Variants in ACMSD observed in about 807,000 individuals in gnomAD.
ACMSD encodes 2-amino-3-carboxymuconate-6-semialdehyde decarboxylase.
In ACMSD, 37 loss-of-function variants were observed where a neutral mutation model predicts 45.9. The ratio of observed to expected loss-of-function variants is 0.81; its 90% confidence interval spans 0.62 to 1.06. The LOEUF is 1.06. Ranked by LOEUF, ACMSD falls within the 50% of genes least tolerant of loss-of-function variation. The pLI, the probability that ACMSD is intolerant of heterozygous loss-of-function variation, is 0.00. For missense variants in ACMSD, 434 were observed against 420.9 expected (o/e 1.03, Z -0.27); for synonymous variants, 138 against 148.8 (o/e 0.93, Z 0.53).
At chr2:134,844,054 A>C (rs1384316569) in intron 1 of ACMSD, among the ~76,000 whole-genome samples, 1 of 152,244 alleles carries the variant, frequency 6.6e-6, no homozygotes, top group East Asian at 1.9e-4. Context: ...CTGCCCTAGT[A>C]AGGCTTGTCA....
rs188460716 is a variant in ACMSD at position 134,880,502 on chromosome 2, C to T, written c.849+7861C>T. Among the ~76,000 whole-genome samples the T allele has an allele frequency of 2.4e-4, 37 of 152,114 alleles. No individual in the cohort carries two copies. The East Asian group carries it at 6.8e-3, about 28-fold the overall frequency. ...ACCACCTCTTTGAACTTTCGTTTTACTTTCTGGGAGATTTTTTTCAACTTT... is the reference window on the plus strand; with the variant it reads ...ACCACCTCTTTGAACTTTCGTTTTATTTTCTGGGAGATTTTTTTCAACTTT... On this transcript the variant is annotated intron_variant, in intron 8 of 9. Coordinates refer to ENST00000356140, the MANE Select transcript of ACMSD (RefSeq NM_138326.3).
chr2:134,871,460 A>G (rs753548038), intron 7 of ACMSD, among the ~76,000 whole-genome samples: 4 of 150,972 alleles, frequency 2.6e-5, no homozygotes, highest in Non-Finnish European at 5.9e-5. Flanking sequence ...TAGTCACATG[A>G]TGGTTTAGGA....
At chr2:134,881,833 C>CA (rs543661314) in intron 8 of ACMSD, among the ~76,000 whole-genome samples, 20 of 151,092 alleles carry the variant, frequency 1.3e-4, no homozygotes, top group African/African-American at 2.4e-4. Flanking sequence ...ACTAAAAATA[C>CA]AAAAAAAAAT....
intron 8 of ACMSD, among the ~76,000 whole-genome samples, chr2:134,873,952 A>G (rs1353695733): frequency 1.3e-5 from 2 of 152,238 alleles, no homozygotes; most frequent in East Asian, 3.8e-4. Context: ...TGTTCTTATT[A>G]CATCCCATCA....
rs369248308 is a variant in ACMSD, at chr2:134,850,080, T to C, written c.102+4803T>C. On this transcript the variant is annotated intron_variant, in intron 2 of 9. Coordinates refer to ENST00000356140, the MANE Select transcript of ACMSD (RefSeq NM_138326.3). ...CTCACTGTTATCAACTGTATTTGTA[T>C]CCCCCGCCCCCCAAATTCATATGTC... Among the ~76,000 whole-genome samples, 9 of 151,202 alleles carry C rather than the reference T, an allele frequency of 6.0e-5. No individual in the cohort carries two copies. In the East Asian group the frequency reaches 1.4e-3, roughly 23 times the overall value.
chr2:134,898,637 T>C (rs1177045372), intron 9 of ACMSD, among the ~76,000 whole-genome samples, 198 bp downstream of exon 9: 2 of 152,150 alleles, frequency 1.3e-5, no homozygotes, highest in East Asian at 1.9e-4. Context: ...GTCAGCCTAG[T>C]ACAACTAAAT....
chr2:134,901,783 TTC>T lies in ACMSD; in HGVS notation c.949-13_949-12del. On this transcript the variant is annotated splice_polypyrimidine_tract_variant and intron_variant, in intron 9 of 9. Coordinates refer to ENST00000356140, the MANE Select transcript of ACMSD (RefSeq NM_138326.3). ...ACAACCAATAATGCTTTAAAATATT[TTC>T]TTTTCTTTTCAGAATAAACTCAAAG... 1 of 1,588,592 alleles carries T rather than the reference TTC, an allele frequency of 6.3e-7. No individual in the cohort carries two copies. The highest frequency in any genetic ancestry group is 8.6e-7 in the Non-Finnish European group (1 of 1,164,672).
At position 134,885,351 on chromosome 2, in the gene ACMSD, T is replaced by C. The variant is rs1559065071; in HGVS notation, c.849+12710T>C. 2.8e-5 allele frequency among the ~76,000 whole-genome samples: 3 copies of C among 108,552 alleles called. 1 individual carries two copies. The South Asian group carries it at 7.4e-4, about 27-fold the overall frequency. The allele number at this position is 108,552 out of a possible 152,430, so 71.2% of individuals were successfully genotyped here. A position where few individuals can be genotyped will look rare whatever the true frequency, so the allele number is the denominator to read the frequency against. ...TATGTAAATATATATTTATATATAA[T>C]ATATATTTACATATATATTATATAT... On this transcript the variant is annotated intron_variant, in intron 8 of 9. Coordinates refer to ENST00000356140, the MANE Select transcript of ACMSD (RefSeq NM_138326.3).
intron 6 of ACMSD, among the ~76,000 whole-genome samples, chr2:134,868,593 C>G (rs915275701): frequency 5.9e-5 from 9 of 151,632 alleles, no homozygotes; most frequent in African/African-American, 2.2e-4. Context: ...GCTGGGATTA[C>G]AGGGGTACAA....
chr2:134,860,465 T>G (rs1199480586), intron 3 of ACMSD, among the ~76,000 whole-genome samples: 1 of 152,110 alleles, frequency 6.6e-6, no homozygotes, highest in Non-Finnish European at 1.5e-5. Flanking sequence ...CAGAACTAAG[T>G]GTTTACATTG....
Position 134,876,790 on chromosome 2 carries a change from T to A in ACMSD, c.849+4149T>A, listed in dbSNP as rs145153849. On this transcript the variant is annotated intron_variant, in intron 8 of 9. Coordinates refer to ENST00000356140, the MANE Select transcript of ACMSD (RefSeq NM_138326.3). ...CTGTACATCATTATCTGTGCTATAC[T>A]TTTTTTTCTTTAAGACAGTCTCACT... 2.6e-3 allele frequency among the ~76,000 whole-genome samples: 400 copies of A among 151,880 alleles called. 2 individuals are homozygous for A. The highest frequency in any genetic ancestry group is 0.015 in the Middle Eastern group (4 of 274).
chr2:134,881,927 AGCC>A (rs1689061805), intron 8 of ACMSD, among the ~76,000 whole-genome samples: 1 of 152,064 alleles, frequency 6.6e-6, no homozygotes. Flanking sequence ...AGACCAACCT[AGCC>A]AACATGGTGA....
chr2:134,883,494 T>A (rs1321331720), intron 8 of ACMSD, among the ~76,000 whole-genome samples: 1 of 152,152 alleles, frequency 6.6e-6, no homozygotes, highest in East Asian at 1.9e-4. Context: ...GTGATAGAAC[T>A]AGCAATAGAA....
intron 8 of ACMSD, among the ~76,000 whole-genome samples, chr2:134,895,137 C>G (rs934162628): frequency 1.3e-5 from 2 of 151,312 alleles, no homozygotes; most frequent in Non-Finnish European, 2.9e-5. Flanking sequence ...AACCACATCC[C>G]TACTAAAAAT....
intron 3 of ACMSD, 29 bp downstream of exon 3, chr2:134,859,386 C>T (rs780012221): frequency 6.9e-6 from 11 of 1,601,312 alleles, no homozygotes; most frequent in Non-Finnish European, 8.6e-6. Flanking sequence ...CCAATGTTAG[C>T]ATCTGATGTA....
intron 8 of ACMSD, among the ~76,000 whole-genome samples, chr2:134,891,902 A>G (rs2104949626): frequency 6.6e-6 from 1 of 152,350 alleles, no homozygotes; most frequent in Middle Eastern, 3.4e-3. Context: ...TCAGCCATAA[A>G]AAGTATGAAA....
chr2:134,859,615 A>G, intron 3 of ACMSD: 1 of 321,204 alleles, frequency 3.1e-6, no homozygotes, highest in Non-Finnish European at 5.6e-6. Context: ...ATGGCATTTT[A>G]TTATTTTTAA....
At chr2:134,839,291 G>C (rs1026967404) in intron 1 of ACMSD, among the ~76,000 whole-genome samples, 2 of 152,096 alleles carry the variant, frequency 1.3e-5, no homozygotes, top group Non-Finnish European at 2.9e-5. Context: ...GAAGAACTAG[G>C]AAGTAGGTAC....
intron 2 of ACMSD, among the ~76,000 whole-genome samples, chr2:134,849,633 C>G (rs1321237075): frequency 6.6e-6 from 1 of 152,150 alleles, no homozygotes; most frequent in Non-Finnish European, 1.5e-5. Flanking sequence ...CTGGTTTGCT[C>G]CATTTCTCTT....
Sources: allele counts gnomAD v4.1 joint callset (sites outside exome capture counted in the v4.1 genomes callset), GRCh38; gene constraint gnomAD v4.1.1; transcripts MANE v1.5; gene names NCBI Gene and HGNC (gene_info 2026-07-23, HGNC 2026-07-21).